Variants in EFNA5 observed in about 807,000 individuals in gnomAD.
EFNA5 encodes the protein ephrin A5.
A neutral mutation model predicts 22.9 loss-of-function variants in EFNA5; 5 were observed. That is an observed-to-expected ratio of 0.22 (90% CI 0.11 to 0.46). The LOEUF (loss-of-function observed/expected upper bound fraction) is 0.46, where lower values mean the gene tolerates loss of function less well. Among genes scored for constraint, EFNA5 ranks in the 20% least tolerant of loss-of-function variants. EFNA5 has a pLI of 0.99. For synonymous variants in EFNA5, 113 were observed against 112.2 expected (o/e 1.01, Z -0.04); for missense variants, 237 against 293.3 (o/e 0.81, Z 1.40).
At chr5:107,655,257 A>C (rs1173409291) in intron 1 of EFNA5, among the ~76,000 whole-genome samples, 1 of 152,152 alleles carries the variant, frequency 6.6e-6, no homozygotes, top group Non-Finnish European at 1.5e-5. Context: ...CCAAGCTTCA[A>C]ACTTGAAATA....
chr5:107,468,863 T>G (rs2112463571), intron 1 of EFNA5, among the ~76,000 whole-genome samples: 1 of 152,326 alleles, frequency 6.6e-6, no homozygotes, highest in Non-Finnish European at 1.5e-5. Flanking sequence ...GCTGCTTCAC[T>G]AAATGACATT....
chr5:107,610,088 T>C (rs1749798318), intron 1 of EFNA5, among the ~76,000 whole-genome samples: 1 of 152,222 alleles, frequency 6.6e-6, no homozygotes, highest in African/African-American at 2.4e-5. Flanking sequence ...AATTCTCTTC[T>C]ATTATTTCCG....
At chr5:107,463,550 T>A (rs1175939328) in intron 1 of EFNA5, among the ~76,000 whole-genome samples, 2 of 152,166 alleles carry the variant, frequency 1.3e-5, no homozygotes, top group African/African-American at 4.8e-5. Flanking sequence ...ATGTAATTTA[T>A]AAAACACTCG....
At chr5:107,449,540 C>T (rs553083425) in intron 1 of EFNA5, among the ~76,000 whole-genome samples, 6 of 151,936 alleles carry the variant, frequency 3.9e-5, no homozygotes, top group Middle Eastern at 3.4e-3. Context: ...TGCTCTGAAC[C>T]CTTCCAACAG....
At chr5:107,621,857 G>C (rs1750046432) in intron 1 of EFNA5, among the ~76,000 whole-genome samples, 1 of 152,182 alleles carries the variant, frequency 6.6e-6, no homozygotes, top group Admixed American at 6.5e-5. Context: ...AACAAGATGT[G>C]AGTTTGGTTT....
intron 1 of EFNA5, among the ~76,000 whole-genome samples, chr5:107,541,182 TATA>T (rs34331930): frequency 0.16 from 23,686 of 152,024 alleles, 2,014 homozygotes; most frequent in Middle Eastern, 0.36. Context: ...TAAAAGTAAT[TATA>T]ATAAGTGATG....
chr5:107,562,363 T>C (rs1748567375), intron 1 of EFNA5, among the ~76,000 whole-genome samples: 2 of 151,974 alleles, frequency 1.3e-5, no homozygotes, highest in South Asian at 2.1e-4. Context: ...TCTCCATCTC[T>C]CTCTCTCTCA....
chr5:107,638,004 G>C (rs1307186707), intron 1 of EFNA5, among the ~76,000 whole-genome samples: 1 of 139,796 alleles, frequency 7.2e-6, no homozygotes, highest in Admixed American at 7.6e-5. Context: ...CTGCCACCAC[G>C]CCTGGCTAAT....
rs532655839 is a variant in EFNA5 at position 107,536,606 on chromosome 5, T to C, written c.126-109097A>G. On this transcript the variant is annotated intron_variant, in intron 1 of 4. Coordinates refer to ENST00000333274, the MANE Select transcript of EFNA5 (RefSeq NM_001962.3). The stretch of plus-strand genomic sequence containing the variant: ...CAACATACCACCCTTAAAATAAAGA[T>C]TGATGAATTCTATGTCCAAATTCTT... 1.1e-4 allele frequency among the ~76,000 whole-genome samples: 16 copies of C among 152,328 alleles called. No individual in the cohort carries two copies. In the South Asian group the frequency reaches 1.4e-3, roughly 14 times the overall value.
chr5:107,469,285 G>A (rs1384145070), intron 1 of EFNA5, among the ~76,000 whole-genome samples: 1 of 152,156 alleles, frequency 6.6e-6, no homozygotes, highest in South Asian at 2.1e-4. Context: ...CAGTGGTACA[G>A]ACTTGCCCAT....
At chr5:107,645,002 G>T (rs958155341) in intron 1 of EFNA5, among the ~76,000 whole-genome samples, 1 of 152,042 alleles carries the variant, frequency 6.6e-6, no homozygotes, top group Admixed American at 6.6e-5. Context: ...CGCCTGGCCT[G>T]TTCTGTTTTT....
intron 2 of EFNA5, among the ~76,000 whole-genome samples, chr5:107,418,038 G>A (rs1471088484): frequency 2.0e-5 from 3 of 152,124 alleles, no homozygotes; most frequent in East Asian, 1.9e-4. Flanking sequence ...TATTTTGGTC[G>A]TCTATTCTAG....
At chr5:107,401,117 T>C (rs1748070717) in intron 2 of EFNA5, among the ~76,000 whole-genome samples, 1 of 152,240 alleles carries the variant, frequency 6.6e-6, no homozygotes, top group Non-Finnish European at 1.5e-5. Flanking sequence ...TTTGTTTCTA[T>C]TTCTTAAGAA....
In EFNA5 at chr5:107,490,129, C is replaced by T. The variant is rs188920439; in HGVS notation, c.126-62620G>A. ...AATTAATTCTAGGATTATGTTATTC[C>T]TTGATGCCTATCTATAGATAATAAA... On this transcript the variant is annotated intron_variant, in intron 1 of 4. Transcript: ENST00000333274. Among the ~76,000 whole-genome samples the T allele has an allele frequency of 7.9e-5, 12 of 152,284 alleles. No homozygotes were observed. In the East Asian group the frequency reaches 1.9e-3, roughly 24 times the overall value.
chr5:107,608,927 C>A (rs1161290594), intron 1 of EFNA5, among the ~76,000 whole-genome samples: 2 of 152,186 alleles, frequency 1.3e-5, no homozygotes, highest in Non-Finnish European at 1.5e-5. Context: ...TTTCATTAAA[C>A]CCTAAATAGT....
chr5:107,383,314 T>C (rs1271642682), intron 4 of EFNA5, among the ~76,000 whole-genome samples: 2 of 152,158 alleles, frequency 1.3e-5, no homozygotes, highest in South Asian at 4.1e-4. Context: ...AAAAAATATA[T>C]ATAAAGTCCT....
At chr5:107,427,112 C>T (rs765076388) in intron 2 of EFNA5, 105 bp downstream of exon 2, 1 of 1,207,094 alleles carries the variant, frequency 8.3e-7, no homozygotes, top group Non-Finnish European at 1.2e-6. Flanking sequence ...AAGGAGATAT[C>T]TGTAATGCAG....
intron 2 of EFNA5, among the ~76,000 whole-genome samples, chr5:107,425,929 GATGCTAAGC>G (rs1748800046): frequency 6.6e-6 from 1 of 152,148 alleles, no homozygotes; most frequent in South Asian, 2.1e-4. Flanking sequence ...GGTGAAAGTC[GATGCTAAGC>G]ATACTGAGTG....
chr5:107,603,725 G>A (rs1300401474), intron 1 of EFNA5, among the ~76,000 whole-genome samples: 4 of 152,186 alleles, frequency 2.6e-5, no homozygotes, highest in East Asian at 1.9e-4. Context: ...CACCACTCTC[G>A]TCTGTCCTGA....
Sources: allele counts gnomAD v4.1 joint callset (sites outside exome capture counted in the v4.1 genomes callset), GRCh38; gene constraint gnomAD v4.1.1; transcripts MANE v1.5; gene names NCBI Gene and HGNC (gene_info 2026-07-23, HGNC 2026-07-21).